Variants in VMP1 observed in about 807,000 individuals in gnomAD.
The protein encoded by VMP1 is vacuole membrane protein 1.
Under a neutral mutation model 56.0 loss-of-function variants are expected in VMP1, and 11 were observed. The ratio of observed to expected loss-of-function variants is 0.20; its 90% confidence interval spans 0.12 to 0.32. The LOEUF (loss-of-function observed/expected upper bound fraction) is 0.32, where lower values mean the gene tolerates loss of function less well. Ranked by LOEUF, VMP1 falls within the 10% of genes least tolerant of loss-of-function variation. The probability of loss-of-function intolerance (pLI) is 1.00; values close to 1 mark genes in which losing one functional copy is unlikely to be tolerated. For synonymous variants in VMP1, 149 were observed against 165.0 expected (o/e 0.90, Z 0.74); for missense variants, 296 against 490.3 (o/e 0.60, Z 3.74).
intron 1 of VMP1, among the ~76,000 whole-genome samples, chr17:59,725,867 T>C (rs1293583173): frequency 6.6e-6 from 1 of 152,214 alleles, no homozygotes; most frequent in African/African-American, 2.4e-5. Context: ...TTTGCTCAAA[T>C]GAAAACCCCT....
chr17:59,809,588 G>T (rs1598426304), intron 8 of VMP1, among the ~76,000 whole-genome samples: 1 of 121,892 alleles, frequency 8.2e-6, no homozygotes, highest in East Asian at 2.6e-4. Context: ...CTCACTGCAA[G>T]CTCCGCCTCC....
chr17:59,765,284 C>A, intron 6 of VMP1, 146 bp downstream of exon 6: 1 of 892,920 alleles, frequency 1.1e-6, no homozygotes, highest in Non-Finnish European at 1.7e-6. Context: ...GCAAAAGAAA[C>A]CTTTTAGAGC....
intron 1 of VMP1, among the ~76,000 whole-genome samples, chr17:59,726,262 G>A (rs762875548): frequency 4.6e-5 from 7 of 151,070 alleles, no homozygotes; most frequent in Non-Finnish European, 7.4e-5. Flanking sequence ...ATAGGATTTG[G>A]CTGAATATGA....
chr17:59,795,998 C>A lies in VMP1; in HGVS notation c.715-12798C>A, dbSNP rs1337306158. 3.3e-5 allele frequency among the ~76,000 whole-genome samples: 5 copies of A among 152,270 alleles called. No homozygotes were observed. The South Asian group carries it at 1.0e-3, about 32-fold the overall frequency. On this transcript the variant is annotated intron_variant, in intron 7 of 11. Transcript: ENST00000262291. ...TGTGTCATTTTAATATCATTAAAAA[C>A]CATAGAATTGCTGGTGTTTGTATTG...
At chr17:59,742,566 G>A (rs1044167267) in intron 5 of VMP1, among the ~76,000 whole-genome samples, 1 of 149,012 alleles carries the variant, frequency 6.7e-6, no homozygotes, top group African/African-American at 2.4e-5. Context: ...AGGCTTTATT[G>A]TTCAGTGTAG....
intron 7 of VMP1, among the ~76,000 whole-genome samples, chr17:59,782,626 C>G (rs1032111670): frequency 7.2e-5 from 11 of 152,072 alleles, no homozygotes; most frequent in African/African-American, 2.7e-4. Context: ...GGTAAAACCT[C>G]CAATTTGATA....
At chr17:59,775,236 G>T (rs541899168) in intron 7 of VMP1, among the ~76,000 whole-genome samples, 2 of 146,790 alleles carry the variant, frequency 1.4e-5, no homozygotes, top group African/African-American at 2.5e-5. Context: ...GAGCCACCAC[G>T]CCCGGCCTAC....
At chr17:59,747,387 G>A (rs933025508) in intron 5 of VMP1, among the ~76,000 whole-genome samples, 2 of 151,106 alleles carry the variant, frequency 1.3e-5, no homozygotes, top group Non-Finnish European at 3.0e-5. Context: ...GCAAGACCCC[G>A]GGTTTTTTTC....
chr17:59,751,106 G>A (rs2035626602), intron 5 of VMP1, among the ~76,000 whole-genome samples: 1 of 151,728 alleles, frequency 6.6e-6, no homozygotes, highest in African/African-American at 2.4e-5. Flanking sequence ...CTAATTTTTT[G>A]TATTTTCAGT....
At chr17:59,797,742 G>A (rs1370322236) in intron 7 of VMP1, among the ~76,000 whole-genome samples, 3 of 152,146 alleles carry the variant, frequency 2.0e-5, no homozygotes, top group African/African-American at 4.8e-5. Context: ...AGCTGGGTGT[G>A]GTGGCATGGG....
intron 9 of VMP1, among the ~76,000 whole-genome samples, chr17:59,817,380 CCT>C (rs2038281028): frequency 6.8e-6 from 1 of 148,028 alleles, no homozygotes; most frequent in Non-Finnish European, 1.5e-5. Flanking sequence ...TATGGAGTCT[CCT>C]CACTCTGTCA....
intron 10 of VMP1, among the ~76,000 whole-genome samples, chr17:59,819,540 G>T (rs1451633229): frequency 1.3e-5 from 2 of 152,056 alleles, no homozygotes; most frequent in Non-Finnish European, 2.9e-5. Context: ...TACAACCTCC[G>T]CCTCCCAGGT....
chr17:59,751,607 TG>T lies in VMP1; in HGVS notation c.414+12668del, dbSNP rs200844057. ...AAATACAAAAATTAGCTGGGCGTGG[TG>T]GGGGGGGCGCCTGTAATCCCAGCTA... is the stretch of plus-strand genomic sequence containing the variant. On this transcript the variant is annotated intron_variant, in intron 5 of 11. Transcript: ENST00000262291. Among the ~76,000 whole-genome samples, 19 of 141,904 alleles carry T rather than the reference TG, an allele frequency of 1.3e-4. No homozygotes were observed. In the East Asian group the frequency reaches 2.4e-3, roughly 18 times the overall value. The allele number at this position is 141,904 out of a possible 152,430, so 93.1% of individuals were successfully genotyped here.
At chr17:59,721,703 ACT>A (rs2143749305) in intron 1 of VMP1, among the ~76,000 whole-genome samples, 1 of 148,752 alleles carries the variant, frequency 6.7e-6, no homozygotes, top group African/African-American at 2.5e-5. Context: ...ACATAGTGAG[ACT>A]CTGTCTCTAC....
intron 10 of VMP1, among the ~76,000 whole-genome samples, chr17:59,836,667 G>A (rs1298302082): frequency 1.3e-5 from 2 of 149,428 alleles, no homozygotes; most frequent in Non-Finnish European, 3.0e-5. Flanking sequence ...ATCTGCCTAT[G>A]TTTTGAATCC....
intron 5 of VMP1, among the ~76,000 whole-genome samples, chr17:59,751,608 G>C (rs144487081): frequency 1.2e-5 from 1 of 86,442 alleles, no homozygotes; most frequent in South Asian, 6.0e-4. Flanking sequence ...TGGGCGTGGT[G>C]GGGGGGGCGC....
intron 10 of VMP1, among the ~76,000 whole-genome samples, chr17:59,825,160 C>T (rs577482126): frequency 3.5e-5 from 5 of 144,490 alleles, no homozygotes; most frequent in Non-Finnish European, 7.5e-5. Flanking sequence ...AATCTCGACC[C>T]ACTGCAACCT....
chr17:59,762,772 T>TG (rs1279706032), intron 5 of VMP1, among the ~76,000 whole-genome samples: 1 of 152,174 alleles, frequency 6.6e-6, no homozygotes, highest in Non-Finnish European at 1.5e-5. Context: ...ATCAGAGACT[T>TG]GAAAAAACAT....
intron 1 of VMP1, among the ~76,000 whole-genome samples, chr17:59,725,551 CAAAA>C (rs78026893): frequency 8.9e-6 from 1 of 112,454 alleles, no homozygotes. Flanking sequence ...GTCAAAATGC[CAAAA>C]AAAAAAAAAA....
Sources: allele counts gnomAD v4.1 joint callset (sites outside exome capture counted in the v4.1 genomes callset), GRCh38; gene constraint gnomAD v4.1.1; transcripts MANE v1.5; gene names NCBI Gene and HGNC (gene_info 2026-07-23, HGNC 2026-07-21).